The following ERP27 variants were observed in gnomAD, a reference collection of about 807,000 sequenced individuals.
The protein encoded by ERP27 is endoplasmic reticulum resident protein 27.
Under a neutral mutation model 27.7 loss-of-function variants are expected in ERP27, and 23 were observed. That is an observed-to-expected ratio of 0.83 (90% CI 0.60 to 1.18). The LOEUF (loss-of-function observed/expected upper bound fraction) is 1.18, where lower values mean the gene tolerates loss of function less well. Ranked by LOEUF, ERP27 falls within the 50% of genes most tolerant of loss-of-function variation. The pLI is 0.00. For synonymous variants in ERP27, 159 were observed against 118.3 expected (o/e 1.34, Z -2.23); for missense variants, 363 against 327.9 (o/e 1.11, Z -0.83).
At chr12:14,929,061 C>G (rs767311479) in intron 3 of ERP27, 12 of 1,531,458 alleles carry the variant, frequency 7.8e-6, no homozygotes, top group Non-Finnish European at 9.6e-6. Flanking sequence ...TGTCTAAATG[C>G]TTCCTGACTA....
chr12:14,935,325 C>T (rs917561455), intron 2 of ERP27: 2 of 166,176 alleles, frequency 1.2e-5, no homozygotes, highest in African/African-American at 4.8e-5. Flanking sequence ...TGTAGATACA[C>T]ATGAGAAGCA....
At chr12:14,922,886 C>G (rs948210644) in intron 3 of ERP27, among the ~76,000 whole-genome samples, 1 of 152,088 alleles carries the variant, frequency 6.6e-6, no homozygotes. Context: ...GACTAGCCGG[C>G]CAACATGGTG....
intron 2 of ERP27, among the ~76,000 whole-genome samples, chr12:14,937,349 T>C (rs1314010017): frequency 6.6e-6 from 1 of 152,184 alleles, no homozygotes; most frequent in African/African-American, 2.4e-5. Flanking sequence ...AATGCTGGAA[T>C]GAGGCAGTCT....
chr12:14,922,478 C>CA (rs1863519841), intron 3 of ERP27, among the ~76,000 whole-genome samples: 1 of 600 alleles, frequency 1.7e-3, no homozygotes, highest in African/African-American at 6.2e-3. Context: ...TTTTGTCTAT[C>CA]TTTTTCTCTG....
intron 3 of ERP27, among the ~76,000 whole-genome samples, chr12:14,922,634 C>A (rs183448541): frequency 4.7e-4 from 71 of 152,252 alleles, no homozygotes; most frequent in Admixed American, 1.0e-3. Context: ...ATCTTTATCG[C>A]TAATGTGTAC....
At chr12:14,923,523 C>CTATCTA (rs1437410358) in intron 3 of ERP27, among the ~76,000 whole-genome samples, 21 of 151,328 alleles carry the variant, frequency 1.4e-4, no homozygotes, top group Admixed American at 1.4e-3. Flanking sequence ...ATCTATCTAT[C>CTATCTA]TATCTATCTA....
intron 3 of ERP27, among the ~76,000 whole-genome samples, chr12:14,927,850 A>G (rs773172040): frequency 6.6e-6 from 1 of 152,132 alleles, no homozygotes; most frequent in Admixed American, 6.6e-5. Context: ...GTCTAGCTAC[A>G]TGATCCATTA....
intron 3 of ERP27, among the ~76,000 whole-genome samples, chr12:14,925,095 G>A (rs1863580558): frequency 6.6e-6 from 1 of 152,210 alleles, no homozygotes; most frequent in African/African-American, 2.4e-5. Flanking sequence ...TGTTCTGCCT[G>A]TGGTGTAGCC....
chr12:14,923,979 T>G (rs1034829276), intron 3 of ERP27, among the ~76,000 whole-genome samples: 1 of 152,176 alleles, frequency 6.6e-6, no homozygotes, highest in Non-Finnish European at 1.5e-5. Flanking sequence ...TTTGAACTTA[T>G]TAACCAATTT....
chr12:14,924,659 C>T (rs1863569676), intron 3 of ERP27, among the ~76,000 whole-genome samples: 1 of 152,114 alleles, frequency 6.6e-6, no homozygotes. Flanking sequence ...CTATGTGCTC[C>T]TTTTCTCCCC....
chr12:14,929,141 C>T lies in ERP27; in HGVS notation c.333+5715G>A, dbSNP rs551102234. The T allele has an allele frequency of 2.3e-5, 33 of 1,442,866 alleles. No homozygotes were observed. The East Asian group carries it at 5.2e-4, about 23-fold the overall frequency. The allele number at this position is 1,442,866 out of a possible 1,614,324, so 89.4% of individuals were successfully genotyped here. On this transcript the variant is annotated intron_variant, in intron 3 of 6. Coordinates refer to ENST00000266397, the MANE Select transcript of ERP27 (RefSeq NM_152321.4). Reference sequence around the variant, plus strand: ...ATCGCTGTGCATGGATCAAGAATCCCCCCCTCCCTGTACTCTTTTCCGGGC... The same window carrying T: ...ATCGCTGTGCATGGATCAAGAATCCTCCCCTCCCTGTACTCTTTTCCGGGC...
intron 3 of ERP27, among the ~76,000 whole-genome samples, chr12:14,934,189 C>A (rs1339559622): frequency 6.6e-6 from 1 of 152,154 alleles, no homozygotes; most frequent in Non-Finnish European, 1.5e-5. Context: ...TCCCGTTGGC[C>A]ATGAATTCTT....
intron 3 of ERP27, among the ~76,000 whole-genome samples, chr12:14,921,265 A>G (rs2445381): frequency 1.3e-3 from 201 of 152,346 alleles, no homozygotes; most frequent in African/African-American, 4.4e-3. Flanking sequence ...ATCACAGGAG[A>G]ATCACAGGCC....
At chr12:14,925,399 G>C (rs190570784) in intron 3 of ERP27, among the ~76,000 whole-genome samples, 133 of 152,066 alleles carry the variant, frequency 8.7e-4, no homozygotes, top group Non-Finnish European at 1.5e-3. Context: ...TTTTAAATTT[G>C]TAAGTAGCAA....
intron 3 of ERP27, among the ~76,000 whole-genome samples, chr12:14,924,477 C>T (rs1863566268): frequency 6.6e-6 from 1 of 152,204 alleles, no homozygotes; most frequent in African/African-American, 2.4e-5. Context: ...AATGGCTATA[C>T]TAATTTACAT....
chr12:14,917,436 A>T (rs1284951891), intron 4 of ERP27, 133 bp from the exon 5 acceptor site: 2 of 1,229,888 alleles, frequency 1.6e-6, no homozygotes, highest in African/African-American at 1.5e-5. Context: ...CTAGCTTCCA[A>T]GATGGCTCTC....
In ERP27 at chr12:14,917,215, T is replaced by C; in HGVS notation, c.539A>G (p.His180Arg). The change falls in exon 5 of 7, where the codon CAC (histidine) becomes CGC (arginine). Residue 180 changes from histidine to arginine, a missense_variant. Transcript: ENST00000266397. ...KASPEYEENMHRYQKAAKLFQ... is the reference protein window; with the variant it reads ...KASPEYEENMRRYQKAAKLFQ... ...GAGCTTGGCTGCCTTCTGGTATCTG[T>C]GCATGTTCTCTTCATACTCTGGGGA... The C allele has an allele frequency of 6.2e-7, 1 of 1,614,188 alleles. No homozygotes were observed. The highest frequency in any genetic ancestry group is 8.5e-7 in the Non-Finnish European group (1 of 1,180,008).
chr12:14,929,126 A>G (rs1022009474), intron 3 of ERP27: 8 of 1,468,780 alleles, frequency 5.4e-6, no homozygotes, highest in Non-Finnish European at 7.2e-6. Context: ...ATCGCTGTGC[A>G]TGGATCAAGA....
At chr12:14,914,870 C>T in intron 6 of ERP27, 88 bp from the exon 7 acceptor site, 1 of 1,031,036 alleles carries the variant, frequency 9.7e-7, no homozygotes, top group Middle Eastern at 2.9e-4. Flanking sequence ...ATTTTTATCT[C>T]ATGAACCCTG....
Sources: allele counts gnomAD v4.1 joint callset (sites outside exome capture counted in the v4.1 genomes callset), GRCh38; gene constraint gnomAD v4.1.1; transcripts MANE v1.5; gene names NCBI Gene and HGNC (gene_info 2026-07-23, HGNC 2026-07-21).